ATAD2: variants seen among roughly 807,000 people sequenced by gnomAD.
ATAD2 encodes ATPase family AAA domain containing 2.
A neutral mutation model predicts 168.9 loss-of-function variants in ATAD2; 62 were observed. That is an observed-to-expected ratio of 0.37 (90% CI 0.30 to 0.45). ATAD2 has a LOEUF of 0.45. Ranked by LOEUF, ATAD2 falls within the 20% of genes least tolerant of loss-of-function variation. ATAD2 has a pLI of 1.00. For synonymous variants in ATAD2, 613 were observed against 571.6 expected (o/e 1.07, Z -1.03); for missense variants, 1,419 against 1,667.8 (o/e 0.85, Z 2.60).
intron 1 of ATAD2, among the ~76,000 whole-genome samples, chr8:123,404,053 A>G (rs192989338): frequency 7.6e-4 from 116 of 152,282 alleles, no homozygotes; most frequent in Middle Eastern, 6.8e-3. Flanking sequence ...GGCTAAACCA[A>G]TTAGGAGTTA....
intron 25 of ATAD2, among the ~76,000 whole-genome samples, chr8:123,326,746 A>G (rs1385117633): frequency 6.6e-6 from 1 of 152,192 alleles, no homozygotes; most frequent in Non-Finnish European, 1.5e-5. Context: ...AGCAGGGTTG[A>G]GTAGTTGTCA....
At chr8:123,337,975 C>T (rs957757396) in intron 20 of ATAD2, among the ~76,000 whole-genome samples, 154 bp from the exon 21 acceptor site, 2 of 152,226 alleles carry the variant, frequency 1.3e-5, no homozygotes, top group Non-Finnish European at 2.9e-5. Flanking sequence ...ACCATAATCT[C>T]TAACCCTACG....
At chr8:123,329,907 AAAG>A (rs1358702844) in intron 24 of ATAD2, among the ~76,000 whole-genome samples, 1 of 151,868 alleles carries the variant, frequency 6.6e-6, no homozygotes, top group African/African-American at 2.4e-5. Flanking sequence ...GTAGTCCTGG[AAAG>A]AAGTGGTAAA....
At chr8:123,381,568 C>T (rs1457138005) in intron 1 of ATAD2, among the ~76,000 whole-genome samples, 1 of 151,318 alleles carries the variant, frequency 6.6e-6, no homozygotes, top group East Asian at 1.9e-4. Flanking sequence ...AACCATACAG[C>T]TTTATGTAAC....
upstream of ATAD2, among the ~76,000 whole-genome samples, chr8:123,399,319 A>G (rs536207855): frequency 1.3e-5 from 2 of 152,132 alleles, no homozygotes; most frequent in South Asian, 4.1e-4. Flanking sequence ...TGATTTGTTT[A>G]TTCAGGAAAT....
chr8:123,403,727 TAGG>T (rs1813036053), intron 1 of ATAD2, among the ~76,000 whole-genome samples: 1 of 152,144 alleles, frequency 6.6e-6, no homozygotes, highest in South Asian at 2.1e-4. Context: ...AATGAAAAAC[TAGG>T]AGGTTACTGC....
At chr8:123,400,806 C>T, upstream of ATAD2, 1 of 973,474 alleles carries the variant, frequency 1.0e-6, no homozygotes, top group Non-Finnish European at 1.7e-6. The surrounding 1 kb of genome is among the most constrained non-coding windows in gnomAD (Gnocchi z 4.5). Flanking sequence ...CAGAGGGCAA[C>T]ATGGCCATCA....
At chr8:123,346,002 A>G in intron 18 of ATAD2, 84 bp downstream of exon 18, 1 of 1,146,906 alleles carries the variant, frequency 8.7e-7, no homozygotes, top group Non-Finnish European at 1.2e-6. Context: ...AAAGACAAAA[A>G]AACACAATAC....
intron 21 of ATAD2, among the ~76,000 whole-genome samples, chr8:123,337,125 G>A (rs1827940813): frequency 6.6e-6 from 1 of 151,796 alleles, no homozygotes; most frequent in South Asian, 2.1e-4. Flanking sequence ...CACTTTGGGA[G>A]GCTGAGGTGG....
intron 1 of ATAD2, among the ~76,000 whole-genome samples, chr8:123,412,651 T>C (rs1245265889): frequency 1.3e-5 from 2 of 152,010 alleles, no homozygotes; most frequent in Non-Finnish European, 2.9e-5. Flanking sequence ...CTTAGGTTGG[T>C]CTCAAACTGA....
At chr8:123,337,359 G>A (rs1390468441) in intron 21 of ATAD2, among the ~76,000 whole-genome samples, 3 of 150,852 alleles carry the variant, frequency 2.0e-5, no homozygotes, top group East Asian at 1.9e-4. Context: ...GCAAAACTCC[G>A]TTTCAAAAAA....
chr8:123,322,977 A>G lies in ATAD2; in HGVS notation c.4092T>C (p.Tyr1364=). Residue 1364 remains tyrosine, a synonymous_variant, in exon 27 of 28, where the codon TAT becomes TAC. Transcript: ENST00000287394. ...NLYAVISQCI[Y]RHRKDHDKTS... is the part of the protein sequence containing the mutation. ...TTTTATCATGGTCCTTGCGATGCCG[A>G]TAAATACATTGGCTGATTACTGCAT... 1 of 1,614,026 alleles carries G rather than the reference A, an allele frequency of 6.2e-7. No homozygotes were observed. The highest frequency in any genetic ancestry group is 8.5e-7 in the Non-Finnish European group (1 of 1,179,948).
intron 20 of ATAD2, among the ~76,000 whole-genome samples, chr8:123,338,586 A>T (rs1018771424): frequency 6.6e-6 from 1 of 152,192 alleles, no homozygotes; most frequent in Non-Finnish European, 1.5e-5. Context: ...GAGCTGACAA[A>T]CTACTAAGGG....
At chr8:123,386,790 T>A (rs1180778046) in intron 1 of ATAD2, among the ~76,000 whole-genome samples, 2 of 151,974 alleles carry the variant, frequency 1.3e-5, no homozygotes, top group Non-Finnish European at 2.9e-5. Context: ...GAAAAAACAT[T>A]TCCTAAGAAA....
intron 2 of ATAD2, among the ~76,000 whole-genome samples, chr8:123,376,929 T>C (rs1463758245): frequency 6.6e-6 from 1 of 151,312 alleles, no homozygotes; most frequent in Non-Finnish European, 1.5e-5. Flanking sequence ...CCTATCCTCC[T>C]AAAAATACAA....
intron 1 of ATAD2, among the ~76,000 whole-genome samples, chr8:123,409,547 C>A (rs1184414019): frequency 2.0e-5 from 3 of 152,038 alleles, no homozygotes; most frequent in Non-Finnish European, 4.4e-5. Flanking sequence ...GGCTGGAGTG[C>A]CGTGGCTGAA....
At chr8:123,327,956 G>T (rs1277184903) in intron 25 of ATAD2, among the ~76,000 whole-genome samples, 1 of 152,122 alleles carries the variant, frequency 6.6e-6, no homozygotes, top group Non-Finnish European at 1.5e-5. Context: ...CTTGCCAAAG[G>T]TCACAAGCTA....
intron 27 of ATAD2, among the ~76,000 whole-genome samples, chr8:123,321,987 C>CTTTTTTTTTTTTTTTTTTTTTTTT (rs869048943): frequency 7.3e-6 from 1 of 136,486 alleles, no homozygotes; most frequent in African/African-American, 2.8e-5. Flanking sequence ...GTACATAAGT[C>CTTTTTTTTTTTTTTTTTTTTTTTT]TTTTTTTTTT....
intron 1 of ATAD2, among the ~76,000 whole-genome samples, chr8:123,385,478 C>T (rs539339871): frequency 2.6e-5 from 4 of 152,066 alleles, no homozygotes; most frequent in Non-Finnish European, 5.9e-5. Context: ...ACAGAAATTA[C>T]ATCCTTTGAA....
Sources: allele counts gnomAD v4.1 joint callset (sites outside exome capture counted in the v4.1 genomes callset), GRCh38; gene constraint gnomAD v4.1.1; non-coding constraint Gnocchi (gnomAD v3.1); transcripts MANE v1.5; gene names NCBI Gene and HGNC (gene_info 2026-07-23, HGNC 2026-07-21).